The following IL5RA variants were observed in gnomAD, a reference collection of about 807,000 sequenced individuals.
IL5RA encodes interleukin 5 receptor subunit alpha.
Under a neutral mutation model 50.0 loss-of-function variants are expected in IL5RA, and 49 were observed. The observed-to-expected ratio is 0.98, with a 90% confidence interval of 0.78 to 1.24. IL5RA has a LOEUF of 1.24. IL5RA is among the 50% of genes most tolerant of loss of function. IL5RA has a pLI of 0.00. For missense variants in IL5RA, 600 were observed against 500.4 expected, an observed-to-expected ratio of 1.20 and a Z score of -1.90; for synonymous variants, 202 against 174.0, an observed-to-expected ratio of 1.16 and a Z score of -1.26.
At chr3:3,109,564 A>T (rs1440276076) in intron 1 of IL5RA, among the ~76,000 whole-genome samples, 1 of 152,132 alleles carries the variant, frequency 6.6e-6, no homozygotes, top group Non-Finnish European at 1.5e-5. Flanking sequence ...CACTAACAAA[A>T]CCATAGGTGT....
chr3:3,089,112 G>T (rs937354620), intron 9 of IL5RA, among the ~76,000 whole-genome samples: 1 of 152,078 alleles, frequency 6.6e-6, no homozygotes, highest in South Asian at 2.1e-4. Flanking sequence ...GGGGAAGATT[G>T]GTCTCAACAG....
intron 3 of IL5RA, among the ~76,000 whole-genome samples, chr3:3,103,660 G>A (rs1382294326): frequency 6.6e-6 from 1 of 152,104 alleles, no homozygotes; most frequent in African/African-American, 2.4e-5. Flanking sequence ...TAAAGCTTTT[G>A]TTTAATTACA....
chr3:3,099,917 G>A (rs1294153044), intron 5 of IL5RA, among the ~76,000 whole-genome samples: 1 of 152,082 alleles, frequency 6.6e-6, no homozygotes, highest in Non-Finnish European at 1.5e-5. Flanking sequence ...TGATCTACCC[G>A]CCTCGGCCTC....
intron 2 of IL5RA, among the ~76,000 whole-genome samples, 151 bp downstream of exon 2, chr3:3,108,399 C>G (rs931180408): frequency 6.6e-6 from 1 of 152,180 alleles, no homozygotes; most frequent in East Asian, 1.9e-4. Context: ...ACATAAAACT[C>G]TCTGTCAGTC....
chr3:3,088,424 C>G (rs1008026088), intron 9 of IL5RA, among the ~76,000 whole-genome samples: 1 of 152,208 alleles, frequency 6.6e-6, no homozygotes, highest in Non-Finnish European at 1.5e-5. Context: ...GGCAGGAGAT[C>G]ACGATTCCTT....
intron 9 of IL5RA, 92 bp from the exon 10 acceptor site, chr3:3,076,719 C>T: frequency 1.3e-6 from 1 of 772,020 alleles, no homozygotes; most frequent in Admixed American, 2.5e-5. Flanking sequence ...CATCAGACAG[C>T]TCAGGTTTGA....
chr3:3,097,818 T>A, intron 7 of IL5RA, 52 bp downstream of exon 7: 2 of 1,559,500 alleles, frequency 1.3e-6, no homozygotes, highest in East Asian at 4.5e-5. Flanking sequence ...TTCCTTCCAG[T>A]GCTGAGATTC....
intron 3 of IL5RA, chr3:3,103,053 T>C: frequency 3.0e-6 from 1 of 334,354 alleles, no homozygotes; most frequent in Non-Finnish European, 5.4e-6. Flanking sequence ...GTGGGTTTTT[T>C]GGTATTTTTA....
intron 8 of IL5RA, among the ~76,000 whole-genome samples, chr3:3,094,686 C>T (rs1316038711): frequency 6.6e-6 from 1 of 152,006 alleles, no homozygotes; most frequent in Non-Finnish European, 1.5e-5. Flanking sequence ...TTCATCATAT[C>T]GTTTTTATAG....
chr3:3,079,495 G>C (rs1702593050), intron 9 of IL5RA, among the ~76,000 whole-genome samples: 1 of 152,086 alleles, frequency 6.6e-6, no homozygotes, highest in South Asian at 2.1e-4. Flanking sequence ...CCAGTGATTA[G>C]TGCCGGACAG....
In IL5RA at chr3:3,070,381, T is replaced by C. The variant is rs1427611337; in HGVS notation, c.1177-70A>G. ...TTGGGTTCTTTGAAATCTTTACAATTGGCTTTAAGTCTATTATTTTTTAAA... is the reference window on the plus strand; with the variant it reads ...TTGGGTTCTTTGAAATCTTTACAATCGGCTTTAAGTCTATTATTTTTTAAA... On this transcript the variant is annotated intron_variant, in intron 11 of 11. Transcript: ENST00000446632. 3 of 874,318 alleles carry C rather than the reference T, an allele frequency of 3.4e-6. No individual in the cohort carries two copies. The South Asian group carries it at 4.4e-5, about 13-fold the overall frequency. 54.2% of individuals were successfully genotyped at this position (874,318 alleles called of 1,614,324 possible).
At chr3:3,079,381 C>T (rs1033451014) in intron 9 of IL5RA, among the ~76,000 whole-genome samples, 7 of 152,170 alleles carry the variant, frequency 4.6e-5, no homozygotes, top group African/African-American at 1.7e-4. Context: ...CTCCATTCTT[C>T]CAAGCCCCCA....
At chr3:3,098,948 G>A (rs1703497329) in intron 5 of IL5RA, among the ~76,000 whole-genome samples, 1 of 152,158 alleles carries the variant, frequency 6.6e-6, no homozygotes, top group Non-Finnish European at 1.5e-5. Flanking sequence ...ATAACTAGCT[G>A]TGAGACATTG....
chr3:3,080,874 T>G (rs1042052617), intron 9 of IL5RA, among the ~76,000 whole-genome samples: 14 of 152,084 alleles, frequency 9.2e-5, no homozygotes, highest in African/African-American at 3.4e-4. Flanking sequence ...TTTAAAATCT[T>G]TTGTAGAGAT....
In IL5RA at chr3:3,104,893, A is replaced by T; in HGVS notation, c.82+10T>A. 5 of 1,535,294 alleles carry T rather than the reference A, an allele frequency of 3.3e-6. No individual in the cohort carries two copies. Among genetic ancestry groups the T allele is most frequent in the Non-Finnish European group, 4.5e-6 (5 of 1,109,922 alleles). On this transcript the variant is annotated intron_variant, in intron 3 of 11. Transcript: ENST00000446632. The stretch of plus-strand genomic sequence containing the variant: ...AATAAACATTATTGAATTGAATAGA[A>T]GGTCCTTACTCTTTTCATCAGGAAG...
intron 9 of IL5RA, among the ~76,000 whole-genome samples, chr3:3,080,179 G>T (rs765189144): frequency 6.6e-6 from 1 of 152,154 alleles, no homozygotes; most frequent in Admixed American, 6.5e-5. Flanking sequence ...TTTTGCATTC[G>T]CTTTTTCTGA....
intron 11 of IL5RA, 105 bp downstream of exon 11, chr3:3,074,677 G>A (rs1702415485): frequency 1.6e-6 from 1 of 643,316 alleles, no homozygotes; most frequent in Non-Finnish European, 2.8e-6. Context: ...GGCCTTCTGA[G>A]TAAAAACCCT....
chr3:3,106,863 C>T (rs1023980846), intron 2 of IL5RA, among the ~76,000 whole-genome samples: 1 of 151,690 alleles, frequency 6.6e-6, no homozygotes, highest in African/African-American at 2.4e-5. Flanking sequence ...TTCTTTGTGA[C>T]TTTCACTGAC....
chr3:3,104,875 A>T (rs1703832543), intron 3 of IL5RA, 28 bp downstream of exon 3: 3 of 1,354,270 alleles, frequency 2.2e-6, no homozygotes, highest in Non-Finnish European at 3.2e-6. Context: ...AAAAATAAAC[A>T]TTATTGAATT....
Sources: gnomAD v4.1 joint callset for allele counts (sites outside exome capture counted in the v4.1 genomes callset) on GRCh38, gnomAD v4.1.1 for gene constraint, MANE v1.5 for transcripts, NCBI Gene and HGNC (gene_info 2026-07-23, HGNC 2026-07-21) for gene names.